TAFA1: variants seen among roughly 807,000 people sequenced by gnomAD.
TAFA1 encodes the protein chemokine-like protein TAFA-1.
Under a neutral mutation model 18.5 loss-of-function variants are expected in TAFA1, and 4 were observed. The observed-to-expected ratio is 0.22, with a 90% CI of 0.11 to 0.49. The LOEUF is 0.49. Among genes scored for constraint, TAFA1 ranks in the 20% least tolerant of loss-of-function variants. TAFA1 has a pLI of 0.98. For synonymous variants in TAFA1, 56 were observed against 55.2 expected (o/e 1.01, Z -0.06); for missense variants, 147 against 169.0 (o/e 0.87, Z 0.72).
intron 3 of TAFA1, among the ~76,000 whole-genome samples, chr3:68,484,426 T>A (rs959182950): frequency 1.3e-5 from 2 of 152,002 alleles, no homozygotes; most frequent in Non-Finnish European, 1.5e-5. Flanking sequence ...AGGGTAAGAG[T>A]AGCAGAGAGG....
chr3:68,422,353 C>T (rs2070971761), intron 3 of TAFA1, among the ~76,000 whole-genome samples: 1 of 152,082 alleles, frequency 6.6e-6, no homozygotes, highest in African/African-American at 2.4e-5. Context: ...CAGGCATCAA[C>T]TTCTCTGCGT....
chr3:68,428,768 G>A (rs73109097), intron 3 of TAFA1, among the ~76,000 whole-genome samples: 3,425 of 151,982 alleles, frequency 0.023, 54 homozygotes, highest in Non-Finnish European at 0.035. Flanking sequence ...TAAAATGATT[G>A]GGCAATTAAC....
At position 68,120,239 on chromosome 3, in the gene TAFA1, TTCTTTCTTTCTTTCTTTC is replaced by T. The variant is rs1383921221; in HGVS notation, c.118+113497_118+113514del. Among the ~76,000 whole-genome samples, 380 of 134,924 alleles carry T rather than the reference TTCTTTCTTTCTTTCTTTC, an allele frequency of 2.8e-3. 7 individuals carry two copies. Among genetic ancestry groups the T allele is most frequent in the African/African-American group, 0.011 (367 of 33,320 alleles). 88.5% of individuals were successfully genotyped at this position (134,924 alleles called of 152,430 possible). ...TTTCTTTCTTTCTTTCTTTCTTTCT[TTCTTTCTTTCTTTCTTTC>T]TTTCTTTTTTGAGACAGAGTCTCAT... On this transcript the variant is annotated intron_variant, in intron 2 of 4. Transcript: ENST00000478136.
At chr3:68,494,095 G>A (rs1304764805) in intron 3 of TAFA1, among the ~76,000 whole-genome samples, 1 of 152,132 alleles carries the variant, frequency 6.6e-6, no homozygotes, top group African/African-American at 2.4e-5. Flanking sequence ...CACCACACCT[G>A]AAGTTTATTT....
chr3:68,033,391 G>A (rs1350941993), intron 2 of TAFA1, among the ~76,000 whole-genome samples: 1 of 152,142 alleles, frequency 6.6e-6, no homozygotes, highest in African/African-American at 2.4e-5. Flanking sequence ...ATATCCTTTA[G>A]GAGCATTGGA....
At chr3:68,504,471 C>A (rs2072714580) in intron 3 of TAFA1, among the ~76,000 whole-genome samples, 1 of 152,188 alleles carries the variant, frequency 6.6e-6, no homozygotes, top group Non-Finnish European at 1.5e-5. Flanking sequence ...AGCATGACAG[C>A]CACATTGTTC....
intron 2 of TAFA1, among the ~76,000 whole-genome samples, chr3:68,393,174 A>G (rs547141810): frequency 1.5e-4 from 23 of 152,148 alleles, no homozygotes; most frequent in Non-Finnish European, 3.1e-4. Flanking sequence ...TAAAGGGAAT[A>G]TCACCACCGA....
intron 2 of TAFA1, among the ~76,000 whole-genome samples, chr3:68,269,483 C>T (rs1344311768): frequency 6.6e-6 from 1 of 152,098 alleles, no homozygotes; most frequent in Non-Finnish European, 1.5e-5. Context: ...ATAAAAAATA[C>T]AAATTCTGAT....
chr3:68,407,246 A>G (rs879805558), intron 2 of TAFA1, among the ~76,000 whole-genome samples: 2 of 152,136 alleles, frequency 1.3e-5, no homozygotes, highest in Non-Finnish European at 2.9e-5. Flanking sequence ...GTAAATTTTC[A>G]TGCCTACTCT....
chr3:68,442,154 C>T (rs151268329), intron 3 of TAFA1, among the ~76,000 whole-genome samples: 4 of 152,166 alleles, frequency 2.6e-5, no homozygotes, highest in Non-Finnish European at 4.4e-5. Flanking sequence ...TTTAATTAGT[C>T]CATTTTCTGT....
At chr3:68,216,425 CAA>C (rs1330813901) in intron 2 of TAFA1, among the ~76,000 whole-genome samples, 1 of 151,974 alleles carries the variant, frequency 6.6e-6, no homozygotes, top group African/African-American at 2.4e-5. Context: ...TGGGGGAAAA[CAA>C]TGCTGACTTT....
intron 3 of TAFA1, among the ~76,000 whole-genome samples, chr3:68,515,134 A>G (rs2072901829): frequency 6.6e-6 from 1 of 152,160 alleles, no homozygotes. Flanking sequence ...TAGCATCTGC[A>G]TGTGCACTTC....
At chr3:68,386,367 T>A (rs1480977624) in intron 2 of TAFA1, among the ~76,000 whole-genome samples, 1 of 152,190 alleles carries the variant, frequency 6.6e-6, no homozygotes, top group African/African-American at 2.4e-5. Flanking sequence ...TCTCTGGTGA[T>A]GTGTAGTGAC....
chr3:68,233,322 G>A (rs1575695407), intron 2 of TAFA1, among the ~76,000 whole-genome samples: 1 of 151,854 alleles, frequency 6.6e-6, no homozygotes, highest in African/African-American at 2.4e-5. Context: ...TCTGTTGATT[G>A]TTTTCTTTAT....
intron 2 of TAFA1, among the ~76,000 whole-genome samples, chr3:68,116,627 A>G (rs951817070): frequency 2.6e-5 from 4 of 152,170 alleles, no homozygotes; most frequent in Non-Finnish European, 4.4e-5. Flanking sequence ...CCCTAGTTTC[A>G]GGTCATCAAA....
the TAFA1 span, among the ~76,000 whole-genome samples, chr3:67,993,265 G>A: frequency 6.6e-6 from 1 of 152,238 alleles, no homozygotes; most frequent in African/African-American, 2.4e-5. Flanking sequence ...ATTTCTGATG[G>A]ATTGGTTGTG....
At chr3:68,117,050 G>A (rs1013089503) in intron 2 of TAFA1, among the ~76,000 whole-genome samples, 4 of 152,196 alleles carry the variant, frequency 2.6e-5, no homozygotes, top group African/African-American at 7.2e-5. Flanking sequence ...GTTGAATGCT[G>A]AATGAATGAA....
At chr3:68,006,393 A>T (rs1704357550) in intron 1 of TAFA1, 1 of 492,586 alleles carries the variant, frequency 2.0e-6, no homozygotes, top group African/African-American at 1.9e-5. Context: ...CATTTTGCCA[A>T]TCCTTGGAGT....
chr3:68,162,314 G>A (rs762722851), intron 2 of TAFA1, among the ~76,000 whole-genome samples: 1 of 152,166 alleles, frequency 6.6e-6, no homozygotes, highest in Admixed American at 6.5e-5. Context: ...GGATGAAACT[G>A]TTCCACTTCA....
Sources: allele counts gnomAD v4.1 joint callset (sites outside exome capture counted in the v4.1 genomes callset), GRCh38; gene constraint gnomAD v4.1.1; transcripts MANE v1.5; gene names NCBI Gene and HGNC (gene_info 2026-07-23, HGNC 2026-07-21).